GAS7: variants seen among roughly 807,000 people sequenced by gnomAD.
GAS7 encodes growth arrest specific 7.
Under a neutral mutation model 71.1 loss-of-function variants are expected in GAS7, and 28 were observed. The ratio of observed to expected loss-of-function variants is 0.39; its 90% CI spans 0.29 to 0.54. The LOEUF (loss-of-function observed/expected upper bound fraction) is 0.54. GAS7 is among the 20% of genes least tolerant of loss of function. GAS7 has a pLI of 0.62. For missense variants in GAS7, 436 were observed against 627.8 expected, an observed-to-expected ratio of 0.69 and a Z score of 3.27; for synonymous variants, 258 against 245.8, an observed-to-expected ratio of 1.05 and a Z score of -0.46.
chr17:10,007,762 C>G (rs2071598966), intron 2 of GAS7, among the ~76,000 whole-genome samples: 1 of 151,904 alleles, frequency 6.6e-6, no homozygotes, highest in Non-Finnish European at 1.5e-5. Context: ...TATATTCTCC[C>G]TCTAAAAGCA....
At chr17:10,041,076 T>C (rs1248799434) in intron 1 of GAS7, among the ~76,000 whole-genome samples, 1 of 151,044 alleles carries the variant, frequency 6.6e-6, no homozygotes, top group Non-Finnish European at 1.5e-5. Context: ...ACAGGAGAAT[T>C]GCTTGAACTC....
chr17:9,932,439 C>G (rs1417384885), intron 9 of GAS7, among the ~76,000 whole-genome samples: 1 of 152,190 alleles, frequency 6.6e-6, no homozygotes, highest in African/African-American at 2.4e-5. Context: ...ATGATCCACC[C>G]ACCTCAGCCT....
intron 2 of GAS7, among the ~76,000 whole-genome samples, chr17:10,005,038 C>CATAT (rs201209064): frequency 8.0e-6 from 1 of 124,652 alleles, no homozygotes; most frequent in African/African-American, 4.1e-5. Context: ...TCTATATATA[C>CATAT]ATACATATAT....
chr17:10,159,963 G>C (rs200073915), intron 1 of GAS7, among the ~76,000 whole-genome samples: 1 of 145,644 alleles, frequency 6.9e-6, no homozygotes, highest in African/African-American at 2.5e-5. Context: ...TTTTTTTGTA[G>C]AGACAGGGTT....
intron 1 of GAS7, among the ~76,000 whole-genome samples, chr17:10,185,413 T>C (rs2074444880): frequency 6.6e-6 from 1 of 151,892 alleles, no homozygotes; most frequent in Non-Finnish European, 1.5e-5. Context: ...ACTTATGGAG[T>C]GTGTACAAGG....
At chr17:10,060,374 T>C (rs939411587) in intron 1 of GAS7, among the ~76,000 whole-genome samples, 1 of 152,196 alleles carries the variant, frequency 6.6e-6, no homozygotes, top group African/African-American at 2.4e-5. Context: ...TTCAACCTCA[T>C]GACTCCGGGA....
At chr17:10,185,949 A>ATTTT (rs148937908) in intron 1 of GAS7, among the ~76,000 whole-genome samples, 1 of 92,532 alleles carries the variant, frequency 1.1e-5, no homozygotes, top group Non-Finnish European at 2.0e-5. Context: ...ATCAGTCTGC[A>ATTTT]TTTTTTTTTT....
intron 1 of GAS7, among the ~76,000 whole-genome samples, chr17:10,162,959 T>C (rs948683388): frequency 6.6e-6 from 1 of 152,214 alleles, no homozygotes; most frequent in Non-Finnish European, 1.5e-5. Context: ...TGCTTAATAC[T>C]GAACTATAGA....
At chr17:10,112,562 C>T (rs1032850355) in intron 1 of GAS7, among the ~76,000 whole-genome samples, 1 of 151,996 alleles carries the variant, frequency 6.6e-6, no homozygotes, top group Non-Finnish European at 1.5e-5. Context: ...ATGGAGAAAC[C>T]CCAACTCTAC....
At chr17:10,168,091 G>A (rs1475092831) in intron 1 of GAS7, among the ~76,000 whole-genome samples, 8 of 152,218 alleles carry the variant, frequency 5.3e-5, no homozygotes, top group Non-Finnish European at 8.8e-5. Context: ...GGGATTACAG[G>A]CTCAATTCTT....
intron 4 of GAS7, among the ~76,000 whole-genome samples, chr17:9,963,112 A>C (rs2069567601): frequency 6.6e-6 from 1 of 152,216 alleles, no homozygotes; most frequent in South Asian, 2.1e-4. Flanking sequence ...AACTTGGATG[A>C]AACGTTCTAT....
At chr17:10,164,285 T>C (rs1387659462) in intron 1 of GAS7, among the ~76,000 whole-genome samples, 2 of 151,500 alleles carry the variant, frequency 1.3e-5, no homozygotes, top group African/African-American at 4.9e-5. Flanking sequence ...CTACTAAAAA[T>C]ACAAAAATTA....
chr17:10,018,608 C>T (rs188531367), intron 2 of GAS7, among the ~76,000 whole-genome samples: 12 of 152,308 alleles, frequency 7.9e-5, no homozygotes, highest in Non-Finnish European at 1.5e-5. Flanking sequence ...AACTTCATTA[C>T]CTCTTGCGCT....
chr17:10,147,389 G>C (rs2074129879), intron 1 of GAS7, among the ~76,000 whole-genome samples: 1 of 152,160 alleles, frequency 6.6e-6, no homozygotes, highest in Non-Finnish European at 1.5e-5. Flanking sequence ...ATACACAACT[G>C]CCTCTCTGAA....
intron 6 of GAS7, among the ~76,000 whole-genome samples, chr17:9,946,229 C>A (rs1195393126): frequency 6.6e-6 from 1 of 152,114 alleles, no homozygotes; most frequent in East Asian, 1.9e-4. Flanking sequence ...CAGGACTCTG[C>A]ATTTCTACAA....
intron 1 of GAS7, among the ~76,000 whole-genome samples, chr17:10,050,476 C>T (rs927016556): frequency 1.3e-5 from 2 of 152,152 alleles, no homozygotes; most frequent in Non-Finnish European, 2.9e-5. Flanking sequence ...ACAGAGCCCT[C>T]TCCTTGCCCT....
intron 1 of GAS7, among the ~76,000 whole-genome samples, chr17:10,118,940 C>T (rs12603759): frequency 0.19 from 29,181 of 152,002 alleles, 3,148 homozygotes; most frequent in East Asian, 0.45. Flanking sequence ...TACATCTGTC[C>T]CCAGGGACAG....
intron 11 of GAS7, among the ~76,000 whole-genome samples, chr17:9,922,899 TTTTG>T (rs1003595499): frequency 2.6e-4 from 39 of 152,308 alleles, no homozygotes; most frequent in African/African-American, 6.7e-4. Context: ...CACTGTCTTT[TTTTG>T]TTTGTTTGTT....
At chr17:10,131,326 T>C (rs957585398) in intron 1 of GAS7, among the ~76,000 whole-genome samples, 6 of 152,182 alleles carry the variant, frequency 3.9e-5, no homozygotes, top group African/African-American at 1.4e-4. Flanking sequence ...AACTTCAAAG[T>C]CTCATGTATT....
Sources: gnomAD v4.1 joint callset for allele counts (sites outside exome capture counted in the v4.1 genomes callset) on GRCh38, gnomAD v4.1.1 for gene constraint, MANE v1.5 for transcripts, NCBI Gene and HGNC (gene_info 2026-07-23, HGNC 2026-07-21) for gene names.